The following NIM1K variants were observed in gnomAD, a reference collection of about 807,000 sequenced individuals.
NIM1K encodes NIM1 serine/threonine protein kinase.
Under a neutral mutation model 37.1 loss-of-function variants are expected in NIM1K, and 35 were observed. The ratio of observed to expected loss-of-function variants is 0.94; its 90% CI spans 0.72 to 1.25. The LOEUF is 1.25. Among genes scored for constraint, NIM1K ranks in the 50% most tolerant of loss-of-function variants. NIM1K has a pLI of 0.00. For missense variants in NIM1K, 564 were observed against 548.0 expected, an observed-to-expected ratio of 1.03 and a Z score of -0.29; for synonymous variants, 234 against 206.6, an observed-to-expected ratio of 1.13 and a Z score of -1.14.
At chr5:43,273,805 C>A (rs1022744169) in intron 2 of NIM1K, among the ~76,000 whole-genome samples, 2 of 152,200 alleles carry the variant, frequency 1.3e-5, no homozygotes, top group African/African-American at 4.8e-5. Flanking sequence ...TGCCCTTACC[C>A]AGATAGTGCC....
chr5:43,231,101 T>G (rs530533527), intron 1 of NIM1K, among the ~76,000 whole-genome samples: 1 of 152,320 alleles, frequency 6.6e-6, no homozygotes, highest in Non-Finnish European at 1.5e-5. Flanking sequence ...GGGGATCACT[T>G]GAGCTCAGGA....
intron 1 of NIM1K, among the ~76,000 whole-genome samples, chr5:43,235,075 CTTTA>C (rs1015085052): frequency 6.6e-6 from 1 of 152,284 alleles, no homozygotes; most frequent in Non-Finnish European, 1.5e-5. Flanking sequence ...TTTTAAAAAA[CTTTA>C]TTTGATAACA....
chr5:43,252,258 A>G (rs769943206), intron 2 of NIM1K, among the ~76,000 whole-genome samples: 3 of 152,184 alleles, frequency 2.0e-5, no homozygotes, highest in Non-Finnish European at 4.4e-5. Flanking sequence ...GCATTTTCCC[A>G]CTGTGTGGGT....
At chr5:43,268,071 G>A (rs1753195679) in intron 2 of NIM1K, among the ~76,000 whole-genome samples, 1 of 152,052 alleles carries the variant, frequency 6.6e-6, no homozygotes, top group Non-Finnish European at 1.5e-5. Context: ...CTATTATTGG[G>A]TTGCTCATTA....
chr5:43,263,738 G>T (rs897454705), intron 2 of NIM1K, among the ~76,000 whole-genome samples: 53 of 152,150 alleles, frequency 3.5e-4, no homozygotes, highest in Middle Eastern at 3.4e-3. Flanking sequence ...GATCTTTCCT[G>T]CTTTCTCTTG....
intron 1 of NIM1K, among the ~76,000 whole-genome samples, chr5:43,216,178 G>A (rs1434943761): frequency 6.6e-5 from 10 of 152,020 alleles, no homozygotes; most frequent in Non-Finnish European, 1.5e-4. Context: ...TGTTTTGTAT[G>A]GACTAAATAA....
chr5:43,266,686 C>T (rs1753167995), intron 2 of NIM1K, among the ~76,000 whole-genome samples: 1 of 152,244 alleles, frequency 6.6e-6, no homozygotes, highest in African/African-American at 2.4e-5. Context: ...AATCACCTGT[C>T]TTCTGCGTTG....
At position 43,198,131 on chromosome 5, in the gene NIM1K, A is replaced by ATTTCTTTC. The variant is rs760219876; in HGVS notation, c.-695+5790_-695+5797dup. On this transcript the variant is annotated intron_variant, in intron 1 of 3. Transcript: ENST00000326035. ...TCTGCACCCGCACCTGGCCAATATG[A>ATTTCTTTC]TTTCTTTCTTTCTTTCTTTCTTTCT... 1.4e-3 allele frequency among the ~76,000 whole-genome samples: 152 copies of ATTTCTTTC among 106,038 alleles called. 3 individuals carry two copies. The highest frequency in any genetic ancestry group is 2.2e-3 in the African/African-American group (62 of 28,134). The allele number at this position is 106,038 out of a possible 152,430, so 69.6% of individuals were successfully genotyped here.
intron 1 of NIM1K, among the ~76,000 whole-genome samples, chr5:43,210,561 T>TC (rs1752188945): frequency 2.0e-5 from 3 of 152,088 alleles, no homozygotes; most frequent in Non-Finnish European, 4.4e-5. Flanking sequence ...GTCAGAGACT[T>TC]CACAGAGGGA....
intron 1 of NIM1K, among the ~76,000 whole-genome samples, chr5:43,203,872 A>G (rs1752069340): frequency 6.6e-6 from 1 of 151,758 alleles, no homozygotes; most frequent in South Asian, 2.1e-4. Context: ...CTAGAAATAC[A>G]AAAATTAGCT....
intron 2 of NIM1K, among the ~76,000 whole-genome samples, chr5:43,262,273 C>G (rs1264682215): frequency 6.6e-6 from 1 of 152,182 alleles, no homozygotes; most frequent in Non-Finnish European, 1.5e-5. Flanking sequence ...TTTGTGTCCT[C>G]TTTTATTTCA....
intron 1 of NIM1K, among the ~76,000 whole-genome samples, chr5:43,222,554 C>T (rs1445620438): frequency 6.6e-6 from 1 of 151,828 alleles, no homozygotes; most frequent in African/African-American, 2.4e-5. Context: ...CACAGAGGGA[C>T]CCCATCTATA....
At chr5:43,211,936 A>G (rs1267608481) in intron 1 of NIM1K, among the ~76,000 whole-genome samples, 1 of 152,222 alleles carries the variant, frequency 6.6e-6, no homozygotes, top group Non-Finnish European at 1.5e-5. Flanking sequence ...AAGACCCTTC[A>G]TCAAACCACA....
rs1554016081 is a variant in NIM1K at position 43,255,754 on chromosome 5, A to AAAAGAAAGAAAGAAAGAAAG, written c.292+9693_292+9712dup. ...CAGAGCCAGACTCTGTCTCAAAAAA[A>AAAAGAAAGAAAGAAAGAAAG]AAAGAAAGAAAGAAAGAAAGAAAGA... On this transcript the variant is annotated intron_variant, in intron 2 of 3. Coordinates refer to ENST00000326035, the MANE Select transcript of NIM1K (RefSeq NM_153361.4). Among the ~76,000 whole-genome samples the AAAAGAAAGAAAGAAAGAAAG allele has an allele frequency of 2.5e-3, 328 of 131,880 alleles. 3 individuals are homozygous for AAAAGAAAGAAAGAAAGAAAG. Among genetic ancestry groups the AAAAGAAAGAAAGAAAGAAAG allele is most frequent in the Middle Eastern group, 4.0e-3 (1 of 252 alleles). The allele number at this position is 131,880 out of a possible 152,430, so 86.5% of individuals were successfully genotyped here. A position where few individuals can be genotyped will look rare whatever the true frequency, so the allele number is the denominator to read the frequency against.
intron 2 of NIM1K, among the ~76,000 whole-genome samples, chr5:43,248,955 A>G (rs1476731607): frequency 2.0e-5 from 3 of 151,160 alleles, no homozygotes; most frequent in Non-Finnish European, 4.4e-5. Context: ...GCTCACCTCA[A>G]CCTCCGCCTC....
At chr5:43,273,394 G>A (rs1489259242) in intron 2 of NIM1K, among the ~76,000 whole-genome samples, 6 of 151,952 alleles carry the variant, frequency 3.9e-5, no homozygotes, top group Admixed American at 6.6e-5. Context: ...TAGTAGAGAC[G>A]GGGTTTCACT....
chr5:43,206,654 G>C (rs1180813986), intron 1 of NIM1K: 2 of 682,192 alleles, frequency 2.9e-6, no homozygotes, highest in Non-Finnish European at 5.4e-6. Flanking sequence ...AGCCTGACTC[G>C]GCCCCCCAGT....
chr5:43,232,121 C>A (rs1282366316), intron 1 of NIM1K: 11 of 1,037,218 alleles, frequency 1.1e-5, no homozygotes, highest in Non-Finnish European at 1.5e-5. Flanking sequence ...AACCTTGAAG[C>A]CAGGGGGCAC....
chr5:43,263,995 A>T (rs533092875), intron 2 of NIM1K, among the ~76,000 whole-genome samples: 1 of 152,164 alleles, frequency 6.6e-6, no homozygotes, highest in African/African-American at 2.4e-5. Flanking sequence ...ACAGTTTGTT[A>T]TAATTTCTGT....
Sources: allele counts gnomAD v4.1 joint callset (sites outside exome capture counted in the v4.1 genomes callset), GRCh38; gene constraint gnomAD v4.1.1; transcripts MANE v1.5; gene names NCBI Gene and HGNC (gene_info 2026-07-23, HGNC 2026-07-21).